Variants in C9 observed in about 807,000 individuals in gnomAD.
C9 encodes the protein complement C9.
C9 carries 63 observed loss-of-function variants against 65.4 expected under a neutral mutation model. The observed-to-expected ratio is 0.96, with a 90% CI of 0.79 to 1.19. The LOEUF (loss-of-function observed/expected upper bound fraction) is 1.19, where lower values mean the gene tolerates loss of function less well. Among genes scored for constraint, C9 ranks in the 50% most tolerant of loss-of-function variants. The pLI is 0.00. For missense variants in C9, 744 were observed against 670.1 expected, an observed-to-expected ratio of 1.11 and a Z score of -1.22; for synonymous variants, 229 against 227.9, an observed-to-expected ratio of 1.00 and a Z score of -0.04.
At chr5:39,295,811 G>T (rs1271160381) in intron 9 of C9, among the ~76,000 whole-genome samples, 2 of 151,612 alleles carry the variant, frequency 1.3e-5, no homozygotes, top group Non-Finnish European at 3.0e-5. Context: ...AACCAAATCA[G>T]CATTGTACTG....
At chr5:39,313,507 A>G (rs1342959175) in intron 6 of C9, among the ~76,000 whole-genome samples, 1 of 152,150 alleles carries the variant, frequency 6.6e-6, no homozygotes, top group Non-Finnish European at 1.5e-5. Context: ...ATAAAATGTG[A>G]ACAAACCACC....
chr5:39,312,557 A>G (rs1055232106), intron 6 of C9, among the ~76,000 whole-genome samples: 1 of 152,134 alleles, frequency 6.6e-6, no homozygotes, highest in African/African-American at 2.4e-5. Flanking sequence ...GTGGAACTCA[A>G]GTCAGCCTAA....
At chr5:39,290,905 C>A (rs947110619) in intron 9 of C9, among the ~76,000 whole-genome samples, 1 of 151,736 alleles carries the variant, frequency 6.6e-6, no homozygotes, top group African/African-American at 2.4e-5. Flanking sequence ...AACTGCAGCC[C>A]AGTTTGGATT....
chr5:39,302,595 GTTAA>G (rs1309006616), intron 9 of C9, among the ~76,000 whole-genome samples: 5 of 152,038 alleles, frequency 3.3e-5, no homozygotes, highest in Non-Finnish European at 5.9e-5. Flanking sequence ...AAAATGACGG[GTTAA>G]TTAATTCATG....
At chr5:39,339,461 G>A (rs184027564) in intron 4 of C9, among the ~76,000 whole-genome samples, 2 of 152,132 alleles carry the variant, frequency 1.3e-5, no homozygotes, top group African/African-American at 4.8e-5. Flanking sequence ...CTTTATAGAG[G>A]TCTTATCATA....
rs147435841 is a variant in C9, at chr5:39,317,283, C to T, written c.616-1254G>A. On this transcript the variant is annotated intron_variant, in intron 5 of 10. Transcript: ENST00000263408. Reference sequence around the variant, plus strand: ...GATGGATAGATTGCAAAAATTTTCACCTATTATATAGGTTGCCTGTTCACT... The same window carrying T: ...GATGGATAGATTGCAAAAATTTTCATCTATTATATAGGTTGCCTGTTCACT... Among the ~76,000 whole-genome samples the T allele has an allele frequency of 3.2e-3, 485 of 150,286 alleles. 4 individuals carry two copies. Among genetic ancestry groups the T allele is most frequent in the African/African-American group, 0.011 (469 of 41,106 alleles).
At chr5:39,319,694 G>A (rs937811784) in intron 5 of C9, among the ~76,000 whole-genome samples, 1 of 152,008 alleles carries the variant, frequency 6.6e-6, no homozygotes, top group African/African-American at 2.4e-5. Context: ...CCAGCCTCTA[G>A]GGCCATCCCA....
At chr5:39,313,875 C>G (rs1012479142) in intron 6 of C9, among the ~76,000 whole-genome samples, 10 of 152,076 alleles carry the variant, frequency 6.6e-5, no homozygotes, top group African/African-American at 1.7e-4. Flanking sequence ...CAAACTTAAC[C>G]TAACTAAAAT....
At chr5:39,354,873 T>C (rs1265597949) in intron 1 of C9, among the ~76,000 whole-genome samples, 1 of 152,170 alleles carries the variant, frequency 6.6e-6, no homozygotes, top group African/African-American at 2.4e-5. Context: ...TGAGACAAGA[T>C]GCTATGTACA....
At chr5:39,346,066 C>T (rs1754187853) in intron 1 of C9, among the ~76,000 whole-genome samples, 1 of 152,100 alleles carries the variant, frequency 6.6e-6, no homozygotes, top group Non-Finnish European at 1.5e-5. Flanking sequence ...CAAGAGAAAG[C>T]AGGAAAGATC....
chr5:39,343,316 G>A (rs1467062554), intron 1 of C9, among the ~76,000 whole-genome samples: 3 of 152,136 alleles, frequency 2.0e-5, no homozygotes, highest in African/African-American at 7.2e-5. Context: ...GGAAAATCGG[G>A]TCACTTCCAC....
At chr5:39,349,168 T>C (rs1477170818) in intron 1 of C9, among the ~76,000 whole-genome samples, 1 of 142,388 alleles carries the variant, frequency 7.0e-6, no homozygotes, top group Non-Finnish European at 1.5e-5. Context: ...ACTTAAAGTA[T>C]AATAAACAAA....
At chr5:39,338,932 A>T (rs996434337) in intron 4 of C9, among the ~76,000 whole-genome samples, 1 of 152,214 alleles carries the variant, frequency 6.6e-6, no homozygotes, top group Non-Finnish European at 1.5e-5. Context: ...CAATATTTCT[A>T]TATTCTTTTC....
At chr5:39,314,596 CTTCT>C (rs1753540473) in intron 6 of C9, among the ~76,000 whole-genome samples, 1 of 151,966 alleles carries the variant, frequency 6.6e-6, no homozygotes, top group Non-Finnish European at 1.5e-5. Context: ...ACTTTTTATC[CTTCT>C]GATTCAATTT....
At position 39,316,021 on chromosome 5, in the gene C9, G is replaced by T. The variant is rs139000312; in HGVS notation, c.624C>A (p.Gly208=). The T allele has an allele frequency of 3.0e-4, 482 of 1,610,936 alleles. 1 individual carries two copies. In the African/African-American group the frequency reaches 5.0e-3, roughly 17 times the overall value. The change falls in exon 6 of 11, where the codon GGC becomes GGA. Residue 208 remains glycine, a synonymous_variant. Transcript: ENST00000263408. ...AATGTTCGGTTCTGAAATTTTTCTC[G>T]CCTTTGGTCTAAAAGAGAATAAAAA... is the stretch of plus-strand genomic sequence containing the variant. The part of the protein sequence containing the change: ...NVASLIYETK[G]EKNFRTEHYE...
At chr5:39,302,172 G>T (rs1753297493) in intron 9 of C9, among the ~76,000 whole-genome samples, 1 of 152,002 alleles carries the variant, frequency 6.6e-6, no homozygotes, top group Admixed American at 6.6e-5. Context: ...TTCCACAGGA[G>T]GACAAAGGAA....
intron 9 of C9, among the ~76,000 whole-genome samples, chr5:39,301,907 C>T (rs1420076547): frequency 6.6e-6 from 1 of 152,032 alleles, no homozygotes. Context: ...AAGAAGGAAA[C>T]CTCTCACCAA....
chr5:39,331,330 G>A (rs1160193497), intron 5 of C9, among the ~76,000 whole-genome samples: 3 of 152,190 alleles, frequency 2.0e-5, no homozygotes, highest in African/African-American at 7.2e-5. Flanking sequence ...TTTTCATCAG[G>A]AGGCTAGCAA....
intron 1 of C9, among the ~76,000 whole-genome samples, chr5:39,348,992 T>G (rs1754265929): frequency 1.4e-5 from 1 of 73,498 alleles, no homozygotes; most frequent in Non-Finnish European, 2.5e-5. Flanking sequence ...GGACACAGGG[T>G]GGGGAACATC....
Sources: allele counts gnomAD v4.1 joint callset (sites outside exome capture counted in the v4.1 genomes callset), GRCh38; gene constraint gnomAD v4.1.1; transcripts MANE v1.5; gene names NCBI Gene and HGNC (gene_info 2026-07-23, HGNC 2026-07-21).